ARHGAP32: variants seen among roughly 807,000 people sequenced by gnomAD.
ARHGAP32 encodes rho GTPase-activating protein 32.
A neutral mutation model predicts 186.5 loss-of-function variants in ARHGAP32; 51 were observed. That is an observed-to-expected ratio of 0.27 (90% CI 0.22 to 0.35). ARHGAP32 has a LOEUF of 0.35. ARHGAP32 is among the 10% of genes least tolerant of loss of function. The pLI, the probability that ARHGAP32 is intolerant of heterozygous loss-of-function variation, is 1.00. For missense variants in ARHGAP32, 2,186 were observed against 2,623.5 expected (o/e 0.83, Z 3.64); for synonymous variants, 950 against 964.3 (o/e 0.99, Z 0.27).
intron 13 of ARHGAP32, 27 bp downstream of exon 13, chr11:128,987,996 G>A (rs1436486870): frequency 2.4e-5 from 35 of 1,464,288 alleles, no homozygotes; most frequent in Non-Finnish European, 3.3e-5. Context: ...TTAAGAAGGA[G>A]TGAAAAAGTG....
At chr11:129,004,868 A>G (rs1168455841) in intron 11 of ARHGAP32, among the ~76,000 whole-genome samples, 1 of 151,908 alleles carries the variant, frequency 6.6e-6, no homozygotes, top group Non-Finnish European at 1.5e-5. Context: ...TTTACATTTG[A>G]TGTTATTATC....
At chr11:129,008,042 C>T (rs1937876598) in intron 11 of ARHGAP32, among the ~76,000 whole-genome samples, 1 of 152,058 alleles carries the variant, frequency 6.6e-6, no homozygotes, top group Non-Finnish European at 1.5e-5. Context: ...CTAAGTTCTC[C>T]CTCAAGAGAG....
At chr11:129,206,018 C>G (rs992064733) in intron 1 of ARHGAP32, among the ~76,000 whole-genome samples, 2 of 152,028 alleles carry the variant, frequency 1.3e-5, no homozygotes, top group South Asian at 4.1e-4. Context: ...CTACTCCCCA[C>G]CCCCATCTGA....
intron 2 of ARHGAP32, among the ~76,000 whole-genome samples, chr11:129,138,296 TAAAA>T (rs9331713): frequency 1.9e-5 from 1 of 51,674 alleles, no homozygotes. Flanking sequence ...CCCTTACTGG[TAAAA>T]AAAAAAAAAA....
At chr11:129,139,965 G>A (rs534309022) in intron 2 of ARHGAP32, among the ~76,000 whole-genome samples, 1 of 152,246 alleles carries the variant, frequency 6.6e-6, no homozygotes, top group Non-Finnish European at 1.5e-5. Context: ...AATCAATCTA[G>A]GTACTGCTGA....
intron 2 of ARHGAP32, among the ~76,000 whole-genome samples, chr11:129,133,150 G>A (rs1217012112): frequency 2.0e-5 from 3 of 152,094 alleles, no homozygotes; most frequent in African/African-American, 7.2e-5. Context: ...AGAGTGAGCA[G>A]GAGGAAGAGT....
rs561349228 is a variant in ARHGAP32, at chr11:129,157,361, T to C, written c.225+6958A>G. On this transcript the variant is annotated intron_variant, in intron 2 of 22. Coordinates refer to ENST00000682385, the MANE Select transcript of ARHGAP32 (RefSeq NM_001378024.1). Reference sequence around the variant, plus strand: ...AGCTTAAAGGAATTGCTAACTAGAATAACCAGTTTAGAGGATAACATAAAT... The same window carrying C: ...AGCTTAAAGGAATTGCTAACTAGAACAACCAGTTTAGAGGATAACATAAAT... Among the ~76,000 whole-genome samples, 24 of 152,140 alleles carry C rather than the reference T, an allele frequency of 1.6e-4. No homozygotes were observed. In the South Asian group the frequency reaches 4.8e-3, roughly 30 times the overall value.
At chr11:129,203,725 A>AG (rs1365598740) in intron 1 of ARHGAP32, among the ~76,000 whole-genome samples, 1 of 148,558 alleles carries the variant, frequency 6.7e-6, no homozygotes, top group Non-Finnish European at 1.5e-5. Flanking sequence ...CTACAAAAAA[A>AG]AAAAAAAAAA....
At chr11:129,248,612 G>A (rs1225812277) in intron 1 of ARHGAP32, among the ~76,000 whole-genome samples, 2 of 152,060 alleles carry the variant, frequency 1.3e-5, no homozygotes, top group African/African-American at 2.4e-5. Flanking sequence ...TGTTTTCTGT[G>A]CTGTCTACAG....
At chr11:128,971,971 T>A (rs1264786941) in intron 22 of ARHGAP32, 1 of 152,634 alleles carries the variant, frequency 6.6e-6, no homozygotes, top group Non-Finnish European at 1.5e-5. Context: ...TAATCTCTTA[T>A]ACTTCCAAAA....
At chr11:129,105,412 C>T (rs904507599) in intron 5 of ARHGAP32, among the ~76,000 whole-genome samples, 3 of 152,130 alleles carry the variant, frequency 2.0e-5, no homozygotes, top group Non-Finnish European at 4.4e-5. Flanking sequence ...AACAGCTTCG[C>T]TAGGTGTTGA....
intron 2 of ARHGAP32, among the ~76,000 whole-genome samples, chr11:129,161,593 A>T (rs1409556480): frequency 6.6e-6 from 1 of 152,208 alleles, no homozygotes; most frequent in Admixed American, 6.5e-5. Context: ...CAAAACCACA[A>T]TGAGATACCA....
chr11:129,160,252 G>A (rs1264010910), intron 2 of ARHGAP32, among the ~76,000 whole-genome samples: 2 of 152,070 alleles, frequency 1.3e-5, no homozygotes, highest in African/African-American at 4.8e-5. Flanking sequence ...TTCTGGCCAG[G>A]GAAATCAGGC....
At chr11:129,061,145 T>C (rs1460258488) in intron 10 of ARHGAP32, among the ~76,000 whole-genome samples, 1 of 152,220 alleles carries the variant, frequency 6.6e-6, no homozygotes, top group Non-Finnish European at 1.5e-5. Flanking sequence ...ACAATGCTTA[T>C]CAAATTTCTA....
chr11:129,215,350 G>A (rs970889251), intron 1 of ARHGAP32, among the ~76,000 whole-genome samples: 2 of 152,082 alleles, frequency 1.3e-5, no homozygotes, highest in African/African-American at 2.4e-5. Flanking sequence ...AGCACTCAGG[G>A]CATTCTATAT....
chr11:129,085,076 T>G (rs1410242818), intron 6 of ARHGAP32, among the ~76,000 whole-genome samples: 2 of 151,934 alleles, frequency 1.3e-5, no homozygotes, highest in Admixed American at 1.3e-4. Context: ...CAGGCTGGAG[T>G]GCAGTGGTAC....
intron 1 of ARHGAP32, among the ~76,000 whole-genome samples, chr11:129,208,070 C>T (rs1046236997): frequency 2.0e-5 from 3 of 152,100 alleles, no homozygotes; most frequent in African/African-American, 7.2e-5. Flanking sequence ...GTTTGCCACT[C>T]TGATTCATTC....
At chr11:129,139,580 G>A (rs984413383) in intron 2 of ARHGAP32, among the ~76,000 whole-genome samples, 1 of 152,026 alleles carries the variant, frequency 6.6e-6, no homozygotes, top group Non-Finnish European at 1.5e-5. Flanking sequence ...ATAGGGGGCG[G>A]GTCTTTCTTG....
intron 1 of ARHGAP32, among the ~76,000 whole-genome samples, chr11:129,224,817 A>G (rs932335029): frequency 4.0e-5 from 6 of 150,876 alleles, no homozygotes; most frequent in Admixed American, 6.6e-5. Context: ...GCATTTGCCT[A>G]AAATATTTAG....
Sources: gnomAD v4.1 joint callset for allele counts (sites outside exome capture counted in the v4.1 genomes callset) on GRCh38, gnomAD v4.1.1 for gene constraint, MANE v1.5 for transcripts, NCBI Gene and HGNC (gene_info 2026-07-23, HGNC 2026-07-21) for gene names.